Variants in TUB observed in about 807,000 individuals in gnomAD.
The protein encoded by TUB is tubby protein homolog.
TUB carries 33 observed loss-of-function variants against 59.7 expected under a neutral mutation model. That is an observed-to-expected ratio of 0.55 (90% CI 0.42 to 0.74). The LOEUF (loss-of-function observed/expected upper bound fraction) is 0.74. Among genes scored for constraint, TUB ranks in the 30% least tolerant of loss-of-function variants. The pLI is 0.00. For synonymous variants in TUB, 293 were observed against 256.4 expected, an observed-to-expected ratio of 1.14 and a Z score of -1.36; for missense variants, 659 against 672.0, an observed-to-expected ratio of 0.98 and a Z score of 0.21.
intron 2 of TUB, among the ~76,000 whole-genome samples, chr11:8,053,310 G>A (rs773420342): frequency 3.3e-5 from 5 of 152,160 alleles, no homozygotes; most frequent in Middle Eastern, 3.4e-3. Flanking sequence ...TATTGAGAAT[G>A]CTAAATATAT....
chr11:8,076,288 A>G (rs956339876), upstream of TUB: 13 of 152,168 alleles, frequency 8.5e-5, no homozygotes, highest in African/African-American at 2.4e-4. Context: ...TTTTGGCCAC[A>G]TATCAACTGA....
chr11:8,093,634 T>C (rs775192101), intron 3 of TUB, among the ~76,000 whole-genome samples: 1 of 152,218 alleles, frequency 6.6e-6, no homozygotes, highest in Non-Finnish European at 1.5e-5. Context: ...CCTGGAGTGC[T>C]TGCCCTGGTT....
chr11:8,039,635 T>C (rs568834126), intron 1 of TUB: 16 of 1,480,198 alleles, frequency 1.1e-5, no homozygotes, highest in Middle Eastern at 3.5e-4. Flanking sequence ...CCCCTTCTTT[T>C]CCTCCTCAGG....
intron 2 of TUB, among the ~76,000 whole-genome samples, chr11:8,053,643 G>A (rs1013449448): frequency 6.6e-6 from 1 of 150,618 alleles, no homozygotes; most frequent in African/African-American, 2.4e-5. Flanking sequence ...TGGGACTACC[G>A]GCGCCCGCCA....
intron 1 of TUB, among the ~76,000 whole-genome samples, chr11:8,028,352 A>G (rs538667952): frequency 1.3e-5 from 2 of 152,156 alleles, no homozygotes; most frequent in African/African-American, 4.8e-5. Context: ...AATTCTTCTC[A>G]GATGTATGAT....
rs778413160 is a variant in TUB, at chr11:8,100,964, G to T, written c.1354G>T (p.Val452Leu). The T allele has an allele frequency of 6.2e-7, 1 of 1,614,146 alleles. No homozygotes were observed. Among genetic ancestry groups the T allele is most frequent in the Non-Finnish European group, 8.5e-7 (1 of 1,180,024 alleles). Reference protein sequence around the residue: ...NFHGRVTQASVKNFQIIHGND... With the variant: ...NFHGRVTQASLKNFQIIHGND... ...CCATGGGCGCGTCACACAGGCCTCC[G>T]TGAAGAACTTCCAGATCATCCATGG... The change falls in exon 11 of 12, where the codon GTG becomes TTG. Residue 452 changes from valine to leucine, a missense_variant. Coordinates refer to ENST00000299506, the MANE Select transcript of TUB (RefSeq NM_177972.3).
chr11:8,047,745 C>G (rs529781605), intron 2 of TUB, among the ~76,000 whole-genome samples: 2 of 152,158 alleles, frequency 1.3e-5, no homozygotes, highest in African/African-American at 4.8e-5. Context: ...CAAACCTGCA[C>G]GGAGCCTGAG....
intron 1 of TUB, among the ~76,000 whole-genome samples, chr11:8,021,716 T>C (rs2133694825): frequency 6.6e-6 from 1 of 151,618 alleles, no homozygotes; most frequent in Non-Finnish European, 1.5e-5. Flanking sequence ...GAGATCGAGA[T>C]CCTCCTGGCT....
In TUB at chr11:8,095,461, C is replaced by T. The variant is rs1194043962; in HGVS notation, c.398-37C>T. The T allele has an allele frequency of 1.9e-6, 3 of 1,575,636 alleles. No homozygotes were observed. The African/African-American group carries it at 4.0e-5, about 21-fold the overall frequency. ...TGAGAATCCAGGCCCTCCTCTCCTC[C>T]TCCTGGATGTAACTCAGGCGTGTCC... On this transcript the variant is annotated intron_variant, in intron 4 of 11. Transcript: ENST00000299506.
chr11:8,025,515 C>A (rs1049515199), intron 1 of TUB, among the ~76,000 whole-genome samples: 1 of 152,162 alleles, frequency 6.6e-6, no homozygotes, highest in Non-Finnish European at 1.5e-5. Flanking sequence ...CCCACTCCAC[C>A]CATCCTCAGG....
At chr11:8,093,163 GA>G (rs1461970799) in intron 3 of TUB, among the ~76,000 whole-genome samples, 4 of 152,042 alleles carry the variant, frequency 2.6e-5, no homozygotes, top group African/African-American at 7.2e-5. Context: ...CACCTGCTCT[GA>G]CGAGGGAGGC....
intron 1 of TUB, among the ~76,000 whole-genome samples, chr11:8,028,998 C>G (rs61879609): frequency 0.033 from 5,024 of 152,202 alleles, 109 homozygotes; most frequent in Middle Eastern, 0.12. Flanking sequence ...GGCAACAGAC[C>G]AAGACCTGTC....
chr11:8,083,625 A>G (rs1589957277), intron 1 of TUB, among the ~76,000 whole-genome samples: 1 of 150,696 alleles, frequency 6.6e-6, no homozygotes, highest in South Asian at 2.1e-4. Flanking sequence ...CACCCCTCCA[A>G]TTCCTTTCCT....
intron 7 of TUB, 85 bp from the exon 8 acceptor site, chr11:8,097,629 C>T (rs547466258): frequency 5.6e-5 from 76 of 1,346,668 alleles, no homozygotes; most frequent in Middle Eastern, 1.9e-4. Context: ...GCTGACGCAA[C>T]GGAGAGAGTC....
At chr11:8,028,521 A>C (rs1426150109) in intron 1 of TUB, among the ~76,000 whole-genome samples, 2 of 152,128 alleles carry the variant, frequency 1.3e-5, no homozygotes, top group Non-Finnish European at 2.9e-5. Context: ...GACCATGAAG[A>C]TTTACCTGTT....
At chr11:8,038,503 G>A (rs1186762405), upstream of TUB, 2 of 625,730 alleles carry the variant, frequency 3.2e-6, no homozygotes, top group Non-Finnish European at 4.1e-6. Context: ...CTCCAGATGG[G>A]GCCTTTGTCC....
chr11:8,079,625 C>T (rs752725489), upstream of TUB, among the ~76,000 whole-genome samples: 8 of 151,950 alleles, frequency 5.3e-5, no homozygotes, highest in East Asian at 1.9e-4. Flanking sequence ...GTCCTGAGCT[C>T]CAGAAGCCTG....
intron 4 of TUB, among the ~76,000 whole-genome samples, chr11:8,095,100 A>G (rs1199306149): frequency 6.6e-6 from 1 of 152,226 alleles, no homozygotes; most frequent in East Asian, 1.9e-4. Flanking sequence ...TGTTTGTGGA[A>G]GAAAACACCA....
intron 2 of TUB, among the ~76,000 whole-genome samples, chr11:8,045,728 C>T (rs867991664): frequency 6.6e-6 from 1 of 152,194 alleles, no homozygotes; most frequent in Non-Finnish European, 1.5e-5. Context: ...GGATATTCAT[C>T]CTATACTTGG....
Sources: allele counts gnomAD v4.1 joint callset (sites outside exome capture counted in the v4.1 genomes callset), GRCh38; gene constraint gnomAD v4.1.1; transcripts MANE v1.5; gene names NCBI Gene and HGNC (gene_info 2026-07-23, HGNC 2026-07-21).